The following TMEM117 variants were observed in gnomAD, a reference collection of about 807,000 sequenced individuals.
The protein encoded by TMEM117 is transmembrane protein 117.
TMEM117 carries 27 observed loss-of-function variants against 52.4 expected under a neutral mutation model. That is an observed-to-expected ratio of 0.51 (90% confidence interval 0.38 to 0.71). The LOEUF (loss-of-function observed/expected upper bound fraction) is 0.71. Ranked by LOEUF, TMEM117 falls within the 30% of genes least tolerant of loss-of-function variation. TMEM117 has a pLI of 0.00. For missense variants in TMEM117, 556 were observed against 630.5 expected, an observed-to-expected ratio of 0.88 and a Z score of 1.26; for synonymous variants, 215 against 206.3, an observed-to-expected ratio of 1.04 and a Z score of -0.36.
intron 3 of TMEM117, among the ~76,000 whole-genome samples, chr12:43,954,477 C>T (rs1160491949): frequency 1.3e-5 from 2 of 151,956 alleles, no homozygotes. Flanking sequence ...CACCACTGAC[C>T]CCACAGAAAT....
chr12:44,290,976 A>G (rs1418527385), intron 5 of TMEM117, among the ~76,000 whole-genome samples: 1 of 152,164 alleles, frequency 6.6e-6, no homozygotes, highest in Admixed American at 6.6e-5. Context: ...GCTATTCAAC[A>G]TCTTCTATAG....
In TMEM117 at chr12:44,051,550, A is replaced by G. The variant is rs1946972645; in HGVS notation, c.411-91975A>G. Among the ~76,000 whole-genome samples the G allele has an allele frequency of 2.0e-5, 3 of 152,348 alleles. No homozygotes were observed. The South Asian group carries it at 6.2e-4, about 32-fold the overall frequency. On this transcript the variant is annotated intron_variant, in intron 3 of 7. Transcript: ENST00000266534. ...TGTACATTATATATTCTTTCACTAA[A>G]TATTTCCTGTCCTGTCAAATGGTAA...
intron 3 of TMEM117, among the ~76,000 whole-genome samples, chr12:43,978,603 C>T (rs1379438088): frequency 1.3e-5 from 2 of 151,942 alleles, no homozygotes; most frequent in East Asian, 1.9e-4. Flanking sequence ...TACAGGAGTA[C>T]GAGATAAGAA....
chr12:44,246,992 A>G (rs1475374147), intron 5 of TMEM117, among the ~76,000 whole-genome samples: 1 of 152,194 alleles, frequency 6.6e-6, no homozygotes, highest in Non-Finnish European at 1.5e-5. Flanking sequence ...CAAGAAGTAC[A>G]GGCAGAGAGG....
intron 6 of TMEM117, among the ~76,000 whole-genome samples, chr12:44,357,660 A>T (rs925450311): frequency 6.6e-6 from 1 of 152,118 alleles, no homozygotes; most frequent in Non-Finnish European, 1.5e-5. Context: ...ACTAAAAAGT[A>T]AAAAATTAAC....
intron 4 of TMEM117, among the ~76,000 whole-genome samples, chr12:44,204,267 C>A (rs1726899): frequency 6.6e-6 from 1 of 152,014 alleles, no homozygotes; most frequent in Non-Finnish European, 1.5e-5. Flanking sequence ...TTCTGTATGT[C>A]AATAATGTCC....
At chr12:44,139,929 T>A (rs532603685) in intron 3 of TMEM117, among the ~76,000 whole-genome samples, 4 of 152,188 alleles carry the variant, frequency 2.6e-5, no homozygotes, top group Non-Finnish European at 5.9e-5. Flanking sequence ...TTAATGGATA[T>A]GCAAATGAAT....
chr12:43,815,301 T>C, the TMEM117 span, among the ~76,000 whole-genome samples: 1 of 152,234 alleles, frequency 6.6e-6, no homozygotes, highest in African/African-American at 2.4e-5. Flanking sequence ...TAACTTTTGA[T>C]ACAAATTGTC....
intron 6 of TMEM117, among the ~76,000 whole-genome samples, chr12:44,352,591 C>A (rs1319796902): frequency 6.6e-6 from 1 of 152,088 alleles, no homozygotes; most frequent in Non-Finnish European, 1.5e-5. Flanking sequence ...TGATGGTTTC[C>A]AGCTTCATCC....
At chr12:43,912,839 A>G (rs1469032845) in intron 2 of TMEM117, among the ~76,000 whole-genome samples, 1 of 152,120 alleles carries the variant, frequency 6.6e-6, no homozygotes, top group Non-Finnish European at 1.5e-5. Context: ...AATAAACTAC[A>G]CAGTTTAGGC....
At chr12:44,378,309 A>T (rs976240109) in intron 7 of TMEM117, among the ~76,000 whole-genome samples, 4 of 152,198 alleles carry the variant, frequency 2.6e-5, no homozygotes, top group African/African-American at 9.6e-5. Context: ...TTAATTTAGG[A>T]TTATTTTGTA....
intron 4 of TMEM117, among the ~76,000 whole-genome samples, chr12:44,163,558 C>T (rs899412310): frequency 6.6e-6 from 1 of 152,154 alleles, no homozygotes; most frequent in African/African-American, 2.4e-5. Flanking sequence ...GTGTGTGACA[C>T]TTTGGAAAGC....
intron 6 of TMEM117, among the ~76,000 whole-genome samples, chr12:44,306,365 T>C (rs1950903220): frequency 6.6e-6 from 1 of 152,154 alleles, no homozygotes; most frequent in Non-Finnish European, 1.5e-5. Context: ...TCTATATCAA[T>C]AAATACAAAT....
intron 3 of TMEM117, among the ~76,000 whole-genome samples, chr12:44,064,797 A>G (rs1422410931): frequency 1.3e-5 from 2 of 152,164 alleles, no homozygotes; most frequent in Non-Finnish European, 2.9e-5. Flanking sequence ...TTGTATATGT[A>G]TAGGATGAAT....
chr12:44,347,272 C>T (rs529396416), intron 6 of TMEM117, among the ~76,000 whole-genome samples: 162 of 152,140 alleles, frequency 1.1e-3, no homozygotes, highest in Middle Eastern at 3.4e-3. Context: ...TTTTTAACCT[C>T]TACTTAGGGT....
intron 3 of TMEM117, among the ~76,000 whole-genome samples, chr12:44,067,579 C>T (rs892466256): frequency 6.6e-6 from 1 of 152,016 alleles, no homozygotes; most frequent in Non-Finnish European, 1.5e-5. Flanking sequence ...AATATTATGG[C>T]GGTAATATTT....
At chr12:44,327,821 T>C (rs1421814057) in intron 6 of TMEM117, among the ~76,000 whole-genome samples, 1 of 152,132 alleles carries the variant, frequency 6.6e-6, no homozygotes, top group Non-Finnish European at 1.5e-5. Flanking sequence ...TCCGAGTCAG[T>C]AAGAACTCCA....
At chr12:44,039,229 T>G (rs1946759758) in intron 3 of TMEM117, among the ~76,000 whole-genome samples, 1 of 152,108 alleles carries the variant, frequency 6.6e-6, no homozygotes, top group Non-Finnish European at 1.5e-5. Flanking sequence ...CTTTCCCCAT[T>G]CTTTCACAGA....
intron 3 of TMEM117, among the ~76,000 whole-genome samples, chr12:44,082,681 T>C (rs951099938): frequency 2.6e-5 from 4 of 152,112 alleles, no homozygotes; most frequent in African/African-American, 9.6e-5. Flanking sequence ...CATTAAAATA[T>C]ACCAATTTAT....
Sources: gnomAD v4.1 joint callset for allele counts (sites outside exome capture counted in the v4.1 genomes callset) on GRCh38, gnomAD v4.1.1 for gene constraint, MANE v1.5 for transcripts, NCBI Gene and HGNC (gene_info 2026-07-23, HGNC 2026-07-21) for gene names.